BBS9: variants seen among roughly 807,000 people sequenced by gnomAD.
BBS9 encodes protein PTHB1.
A neutral mutation model predicts 117.7 loss-of-function variants in BBS9; 89 were observed. The observed-to-expected ratio is 0.76, with a 90% confidence interval of 0.64 to 0.90. The LOEUF (loss-of-function observed/expected upper bound fraction) is 0.90, where lower values mean the gene tolerates loss of function less well. Ranked by LOEUF, BBS9 falls within the 40% of genes least tolerant of loss-of-function variation. The probability of loss-of-function intolerance (pLI) is 0.00; values close to 1 mark genes in which losing one functional copy is unlikely to be tolerated. For synonymous variants in BBS9, 379 were observed against 370.9 expected (o/e 1.02, Z -0.25); for missense variants, 982 against 1,042.2 (o/e 0.94, Z 0.80).
intron 5 of BBS9, among the ~76,000 whole-genome samples, chr7:33,192,301 A>C (rs1011600935): frequency 1.4e-4 from 22 of 152,342 alleles, no homozygotes; most frequent in African/African-American, 5.1e-4. Flanking sequence ...ATTTACTAGA[A>C]GACAGAAAAA....
At chr7:33,337,121 G>A (rs1815540529) in intron 10 of BBS9, among the ~76,000 whole-genome samples, 1 of 152,098 alleles carries the variant, frequency 6.6e-6, no homozygotes, top group African/African-American at 2.4e-5. Context: ...TGTGTAGCTT[G>A]CGGTATGCTG....
intron 19 of BBS9, among the ~76,000 whole-genome samples, chr7:33,466,318 C>A (rs954556976): frequency 6.6e-6 from 1 of 152,044 alleles, no homozygotes. Flanking sequence ...TCTCACTTCC[C>A]CCACCTTCCA....
At chr7:33,373,373 A>T (rs1823221680) in intron 17 of BBS9, among the ~76,000 whole-genome samples, 1 of 152,186 alleles carries the variant, frequency 6.6e-6, no homozygotes, top group Non-Finnish European at 1.5e-5. Context: ...TGCTAAGTTG[A>T]TAATCTGCAA....
chr7:33,253,410 TCATGA>T (rs1336011923), intron 5 of BBS9, among the ~76,000 whole-genome samples: 1 of 152,106 alleles, frequency 6.6e-6, no homozygotes, highest in African/African-American at 2.4e-5. Context: ...GGTCAGAAGT[TCATGA>T]CCAGCCTGGC....
chr7:33,334,033 C>A (rs186344655), intron 9 of BBS9, among the ~76,000 whole-genome samples: 191 of 152,316 alleles, frequency 1.3e-3, no homozygotes, highest in African/African-American at 4.4e-3. Context: ...TGGCTACTCT[C>A]TTTACCACTT....
Position 33,257,483 on chromosome 7 carries a change from A to G in BBS9, c.617+73A>G. 3 of 1,353,636 alleles carry G rather than the reference A, an allele frequency of 2.2e-6. No individual in the cohort carries two copies. The South Asian group carries it at 3.5e-5, about 16-fold the overall frequency. The allele number at this position is 1,353,636 out of a possible 1,614,324, so 83.9% of individuals were successfully genotyped here. A position where few individuals can be genotyped will look rare whatever the true frequency, so the allele number is the denominator to read the frequency against. On this transcript the variant is annotated intron_variant, in intron 6 of 22. Transcript: ENST00000242067. ...TGTTGCTGACTAATTTTTGTCCACA[A>G]AGAGCTTCAATATCACAAATGAAAA...
At chr7:33,298,049 T>G (rs935189396) in intron 9 of BBS9, among the ~76,000 whole-genome samples, 1 of 152,134 alleles carries the variant, frequency 6.6e-6, no homozygotes, top group African/African-American at 2.4e-5. Context: ...ATTGTTAATT[T>G]GAGGATAAAT....
chr7:33,140,185 C>T (rs996938240), intron 1 of BBS9, among the ~76,000 whole-genome samples: 20 of 152,028 alleles, frequency 1.3e-4, no homozygotes, highest in Non-Finnish European at 2.4e-4. Context: ...CCACCACACC[C>T]GGCTAATTTT....
intron 1 of BBS9, among the ~76,000 whole-genome samples, chr7:33,131,936 A>C (rs1789681370): frequency 6.6e-6 from 1 of 152,222 alleles, no homozygotes. Context: ...AAAAGTGTCA[A>C]GTGAAGAGTA....
chr7:33,206,676 T>TA (rs1786993132), intron 5 of BBS9, among the ~76,000 whole-genome samples: 1 of 152,188 alleles, frequency 6.6e-6, no homozygotes, highest in Non-Finnish European at 1.5e-5. Flanking sequence ...ACAGTACAGT[T>TA]ATCAGTTTCC....
chr7:33,155,232 T>C (rs1218179901), intron 3 of BBS9, among the ~76,000 whole-genome samples: 1 of 152,268 alleles, frequency 6.6e-6, no homozygotes, highest in African/African-American at 2.4e-5. Flanking sequence ...TTATTTTATT[T>C]CATTTCATTG....
chr7:33,183,711 T>C (rs1798402913), intron 5 of BBS9, among the ~76,000 whole-genome samples: 2 of 152,164 alleles, frequency 1.3e-5, no homozygotes, highest in Non-Finnish European at 2.9e-5. Flanking sequence ...AACTCCAAAA[T>C]TCCTGTCCTC....
chr7:33,180,900 C>T lies in BBS9; in HGVS notation c.442+3309C>T, dbSNP rs112355495. ...GGAAAAGGATCCTCACATACCGTGG[C>T]GACCAGGTAACTCTGTGCACAGAGC... On this transcript the variant is annotated intron_variant, in intron 5 of 22. Coordinates refer to ENST00000242067, the MANE Select transcript of BBS9 (RefSeq NM_198428.3). 7.3e-5 allele frequency among the ~76,000 whole-genome samples: 11 copies of T among 150,092 alleles called. 1 individual carries two copies. Among genetic ancestry groups the T allele is most frequent in the African/African-American group, 1.7e-4 (7 of 41,094 alleles).
At chr7:33,576,109 T>G (rs1366611556) in intron 21 of BBS9, among the ~76,000 whole-genome samples, 1 of 152,100 alleles carries the variant, frequency 6.6e-6, no homozygotes, top group African/African-American at 2.4e-5. Context: ...AAAAAGGAAG[T>G]CAAATTGTCC....
intron 21 of BBS9, among the ~76,000 whole-genome samples, chr7:33,628,976 ACC>A (rs922368723): frequency 2.0e-5 from 3 of 152,208 alleles, no homozygotes; most frequent in African/African-American, 4.8e-5. Context: ...ACAGTAGTGC[ACC>A]CAGAGAACCA....
chr7:33,394,337 G>A (rs1827585445), intron 19 of BBS9, among the ~76,000 whole-genome samples: 1 of 152,074 alleles, frequency 6.6e-6, no homozygotes, highest in Non-Finnish European at 1.5e-5. Context: ...ACTTAAAAGT[G>A]GGAGCTAACT....
chr7:33,527,602 C>A lies in BBS9; in HGVS notation c.2299-6352C>A, dbSNP rs374593753. Among the ~76,000 whole-genome samples the A allele has an allele frequency of 4.1e-3, 619 of 152,330 alleles. 7 individuals are homozygous for A. The South Asian group carries it at 0.052, about 13-fold the overall frequency. On this transcript the variant is annotated intron_variant, in intron 20 of 22. Coordinates refer to ENST00000242067, the MANE Select transcript of BBS9 (RefSeq NM_198428.3). The stretch of plus-strand genomic sequence containing the variant: ...AGTGAGGCAATGCCTCGCCCTGCTT[C>A]GGCTCGCGCACGGTGCGCACACCCA...
intron 5 of BBS9, among the ~76,000 whole-genome samples, chr7:33,193,091 G>T (rs1784388584): frequency 6.6e-6 from 1 of 152,112 alleles, no homozygotes; most frequent in Admixed American, 6.5e-5. Context: ...TGACCCAGTG[G>T]TCACATGACC....
At chr7:33,603,730 A>G (rs938481249) in intron 21 of BBS9, among the ~76,000 whole-genome samples, 1 of 152,054 alleles carries the variant, frequency 6.6e-6, no homozygotes, top group African/African-American at 2.4e-5. Flanking sequence ...CATTGCATTG[A>G]TGGATAATTC....
Sources: gnomAD v4.1 joint callset for allele counts (sites outside exome capture counted in the v4.1 genomes callset) on GRCh38, gnomAD v4.1.1 for gene constraint, MANE v1.5 for transcripts, NCBI Gene and HGNC (gene_info 2026-07-23, HGNC 2026-07-21) for gene names.